The following RASGRF2 variants were observed in gnomAD, a reference collection of about 807,000 sequenced individuals.
RASGRF2 encodes ras-specific guanine nucleotide-releasing factor 2.
RASGRF2 carries 76 observed loss-of-function variants against 151.0 expected under a neutral mutation model. The observed-to-expected ratio is 0.50, with a 90% confidence interval of 0.42 to 0.61. RASGRF2 has a LOEUF of 0.61. Among genes scored for constraint, RASGRF2 ranks in the 20% least tolerant of loss-of-function variants. RASGRF2 has a pLI of 0.00. For synonymous variants in RASGRF2, 504 were observed against 566.5 expected (o/e 0.89, Z 1.57); for missense variants, 1,148 against 1,564.6 (o/e 0.73, Z 4.49).
intron 1 of RASGRF2, among the ~76,000 whole-genome samples, chr5:81,031,328 C>G (rs996082118): frequency 6.6e-6 from 1 of 152,164 alleles, no homozygotes; most frequent in African/African-American, 2.4e-5. Flanking sequence ...ACTCTCCACC[C>G]CAAATCAACA....
chr5:81,112,647 T>C lies in RASGRF2; in HGVS notation c.1876T>C (p.Cys626Arg). 5 of 1,614,258 alleles carry C rather than the reference T, an allele frequency of 3.1e-6. No individual in the cohort carries two copies. The highest frequency in any genetic ancestry group is 4.2e-6 in the Non-Finnish European group (5 of 1,180,044). The change falls in exon 14 of 27, where the codon TGC becomes CGC. Residue 626 changes from cysteine to arginine, a missense_variant. This residue lies in a region of RASGRF2 where 646 missense variants were observed against 807.4 expected (regional missense o/e 0.80). Coordinates refer to ENST00000265080, the MANE Select transcript of RASGRF2 (RefSeq NM_006909.3). ...TCTTCATAAAGACGACACTGACATTTGCTTCAGTAAAACACTCAACTCCTG... is the reference window on the plus strand; with the variant it reads ...TCTTCATAAAGACGACACTGACATTCGCTTCAGTAAAACACTCAACTCCTG... ...ARLHKDDTDI[C>R]FSKTLNSCKV...
chr5:81,131,023 A>G (rs1389076866), intron 17 of RASGRF2, among the ~76,000 whole-genome samples: 1 of 152,156 alleles, frequency 6.6e-6, no homozygotes, highest in Non-Finnish European at 1.5e-5. Flanking sequence ...CAAAATATAT[A>G]GGAATCTGGC....
chr5:81,186,214 A>C (rs781167508), intron 18 of RASGRF2, among the ~76,000 whole-genome samples: 53 of 152,160 alleles, frequency 3.5e-4, no homozygotes, highest in Admixed American at 1.2e-3. Flanking sequence ...CACATACCGC[A>C]TATAAAGGGC....
rs771765948 is a variant in RASGRF2, at chr5:81,092,889, A to G, written c.1479A>G (p.Arg493=). 2.5e-6 allele frequency: 4 copies of G among 1,612,396 alleles called. No individual in the cohort carries two copies. Among genetic ancestry groups the G allele is most frequent in the African/African-American group, 2.7e-5 (2 of 74,874 alleles). ...GSLSLKKEGE[R]QCFLFTKHFL... is the part of the protein sequence containing the mutation. The stretch of plus-strand genomic sequence containing the variant: ...TGTCTTTGAAAAAGGAAGGAGAGAG[A>G]CAATGCTTCTTATTTACAAAACACT... The change falls in exon 10 of 27, where the codon AGA becomes AGG. Residue 493 remains arginine (R), a synonymous_variant. Transcript: ENST00000265080.
intron 2 of RASGRF2, among the ~76,000 whole-genome samples, chr5:81,063,528 A>G (rs1482029133): frequency 1.3e-5 from 2 of 152,088 alleles, no homozygotes; most frequent in Non-Finnish European, 2.9e-5. Context: ...TGTGAGCCAC[A>G]GTGCCCAGCT....
chr5:81,180,093 A>G (rs1354555613), intron 17 of RASGRF2, 82 bp from the exon 18 acceptor site: 1 of 770,226 alleles, frequency 1.3e-6, no homozygotes, highest in South Asian at 1.5e-5. Context: ...TCGTTAACCA[A>G]TGTCCTAAAA....
intron 1 of RASGRF2, among the ~76,000 whole-genome samples, chr5:81,023,145 T>G (rs754559683): frequency 1.3e-5 from 2 of 152,098 alleles, no homozygotes; most frequent in Non-Finnish European, 2.9e-5. Context: ...GTAATAGGAA[T>G]GCTGTTTAGT....
intron 23 of RASGRF2, among the ~76,000 whole-genome samples, chr5:81,214,971 T>C (rs554212518): frequency 6.6e-6 from 1 of 152,328 alleles, no homozygotes; most frequent in African/African-American, 2.4e-5. Context: ...ACCAAACATG[T>C]GCTTTAGTCA....
intron 17 of RASGRF2, among the ~76,000 whole-genome samples, chr5:81,178,927 A>T (rs181212122): frequency 6.6e-6 from 1 of 152,180 alleles, no homozygotes; most frequent in Non-Finnish European, 1.5e-5. Context: ...TTTAATAGAG[A>T]CGGGGTTTCA....
chr5:81,165,207 G>A (rs1024373817), intron 17 of RASGRF2, among the ~76,000 whole-genome samples: 3 of 152,170 alleles, frequency 2.0e-5, no homozygotes, highest in African/African-American at 7.2e-5. Context: ...CTGGGGAGGA[G>A]GAGATGGGAA....
chr5:81,189,506 T>A (rs1214821948), intron 18 of RASGRF2, among the ~76,000 whole-genome samples: 1 of 151,294 alleles, frequency 6.6e-6, no homozygotes, highest in Non-Finnish European at 1.5e-5. Context: ...TTTTTTTTTT[T>A]AAGAGATGGG....
At chr5:81,104,335 G>A (rs1016041506) in intron 12 of RASGRF2, among the ~76,000 whole-genome samples, 2 of 151,940 alleles carry the variant, frequency 1.3e-5, no homozygotes, top group Non-Finnish European at 2.9e-5. Context: ...ATTTTTGCCT[G>A]TATCTCTTAA....
intron 1 of RASGRF2, among the ~76,000 whole-genome samples, chr5:81,012,761 G>A (rs1027832891): frequency 6.6e-6 from 1 of 152,030 alleles, no homozygotes; most frequent in African/African-American, 2.4e-5. Flanking sequence ...TTGCTGTCTA[G>A]GGGATCCTGT....
chr5:81,041,386 G>A (rs1175625900), intron 1 of RASGRF2, among the ~76,000 whole-genome samples: 1 of 151,946 alleles, frequency 6.6e-6, no homozygotes, highest in Non-Finnish European at 1.5e-5. Context: ...TTGTCAAAGG[G>A]CAATGCATCT....
rs770861483 is a variant in RASGRF2 at position 81,080,575 on chromosome 5, G to T, written c.968-21G>T. 1.9e-6 allele frequency: 3 copies of T among 1,599,376 alleles called. No homozygotes were observed. The African/African-American group carries it at 4.0e-5, about 21-fold the overall frequency. On this transcript the variant is annotated intron_variant, in intron 6 of 26. Coordinates refer to ENST00000265080, the MANE Select transcript of RASGRF2 (RefSeq NM_006909.3). ...TTACCAAGCAACAAGGGAAACAGCC[G>T]TGTTTACTGTTTCTTTGCAGCTGAT...
intron 15 of RASGRF2, among the ~76,000 whole-genome samples, chr5:81,120,357 G>A (rs929234606): frequency 4.6e-5 from 7 of 152,132 alleles, no homozygotes; most frequent in Admixed American, 1.3e-4. Flanking sequence ...TGGAAGGATC[G>A]CTGGAGCCTA....
chr5:80,991,779 A>T (rs532757892), intron 1 of RASGRF2, among the ~76,000 whole-genome samples: 5 of 152,224 alleles, frequency 3.3e-5, no homozygotes, highest in Admixed American at 3.3e-4. Flanking sequence ...GCCATGTTCA[A>T]ATTGTACAGA....
At position 81,201,329 on chromosome 5, in the gene RASGRF2, G is replaced by A; in HGVS notation, c.2794-1G>A. The A allele has an allele frequency of 6.2e-7, 1 of 1,608,136 alleles. No individual in the cohort carries two copies. The highest frequency in any genetic ancestry group is 8.5e-7 in the Non-Finnish European group (1 of 1,177,764). On this transcript the variant is annotated splice_acceptor_variant, in intron 18 of 26. Transcript: ENST00000265080. LOFTEE classifies it high-confidence loss of function. ...TTAAAAAGATTCATTTTATTTTACA[G>A]GATTTCGAACTCAACAATGAACTAA...
intron 17 of RASGRF2, among the ~76,000 whole-genome samples, chr5:81,136,073 C>T (rs911524420): frequency 2.6e-5 from 4 of 152,130 alleles, no homozygotes; most frequent in African/African-American, 7.2e-5. Context: ...AGTGCAGTGG[C>T]GCAATCTCGG....
Sources: allele counts gnomAD v4.1 joint callset (sites outside exome capture counted in the v4.1 genomes callset), GRCh38; gene constraint gnomAD v4.1.1; regional missense constraint gnomAD v4.1.1; transcripts MANE v1.5; gene names NCBI Gene and HGNC (gene_info 2026-07-23, HGNC 2026-07-21).